Variants in TPX2 observed in about 807,000 individuals in gnomAD.
TPX2 encodes TPX2 microtubule nucleation factor.
Under a neutral mutation model 93.6 loss-of-function variants are expected in TPX2, and 21 were observed. That is an observed-to-expected ratio of 0.22 (90% CI 0.16 to 0.32). TPX2 has a LOEUF of 0.32. Among genes scored for constraint, TPX2 ranks in the 10% least tolerant of loss-of-function variants. The pLI is 1.00. For missense variants in TPX2, 776 were observed against 871.1 expected (o/e 0.89, Z 1.37); for synonymous variants, 281 against 298.3 (o/e 0.94, Z 0.60).
At chr20:31,740,665 A>C (rs1487550325) in intron 1 of TPX2, among the ~76,000 whole-genome samples, 1 of 152,236 alleles carries the variant, frequency 6.6e-6, no homozygotes, top group African/African-American at 2.4e-5. Flanking sequence ...GAAATTGGCA[A>C]GTGAGAATCA....
chr20:31,743,960 A>T (rs1600348706), intron 2 of TPX2, among the ~76,000 whole-genome samples: 1 of 151,420 alleles, frequency 6.6e-6, no homozygotes, highest in African/African-American at 2.4e-5. Flanking sequence ...ACTTCAGGTG[A>T]TCTGCCCGCC....
intron 2 of TPX2, among the ~76,000 whole-genome samples, chr20:31,748,402 T>C (rs1215933458): frequency 6.6e-6 from 1 of 152,124 alleles, no homozygotes; most frequent in Non-Finnish European, 1.5e-5. Context: ...AAAAACTTCA[T>C]ATGGAAAAGT....
intron 15 of TPX2, among the ~76,000 whole-genome samples, chr20:31,796,704 ATT>A (rs781035098): frequency 1.5e-4 from 21 of 140,838 alleles, no homozygotes; most frequent in Non-Finnish European, 2.0e-4. Context: ...TTCTGGTTAG[ATT>A]TTTTTTTTTT....
chr20:31,788,177 GA>G (rs1442071108), intron 12 of TPX2, among the ~76,000 whole-genome samples: 2 of 152,156 alleles, frequency 1.3e-5, no homozygotes, highest in South Asian at 2.1e-4. Flanking sequence ...AACACTTTGG[GA>G]AGCCAAGGTG....
chr20:31,784,924 G>A (rs1210190551), intron 12 of TPX2, among the ~76,000 whole-genome samples: 1 of 152,152 alleles, frequency 6.6e-6, no homozygotes, highest in Non-Finnish European at 1.5e-5. Flanking sequence ...TGCAGGTCCG[G>A]GATAACTCTA....
chr20:31,766,258 T>A (rs2123009328), intron 4 of TPX2, among the ~76,000 whole-genome samples: 1 of 152,330 alleles, frequency 6.6e-6, no homozygotes, highest in East Asian at 1.9e-4. Flanking sequence ...TTATGGAAGC[T>A]TTCAGAATTT....
chr20:31,778,964 G>C lies in TPX2; in HGVS notation c.1034G>C (p.Arg345Thr). 1 of 1,593,306 alleles carries C rather than the reference G, an allele frequency of 6.3e-7. No individual in the cohort carries two copies. Among genetic ancestry groups the C allele is most frequent in the Non-Finnish European group, 8.5e-7 (1 of 1,173,432 alleles). ...CGAACCCCTAACAGATATCATTTGAGGAGCAAGAAGGATGATATTAGTAAG... is the reference window on the plus strand; with the variant it reads ...CGAACCCCTAACAGATATCATTTGACGAGCAAGAAGGATGATATTAGTAAG... ...HKRTPNRYHL[R>T]SKKDDINLLP... The change falls in exon 10 of 18, where the codon AGG (arginine) becomes ACG (threonine). Residue 345 changes from arginine to threonine, a missense_variant. Arg to Thr is a moderately conservative substitution (Grantham distance 71). Around this residue, in one of 3 missense-constraint regions of TPX2, gnomAD observed 461 missense variants for 551.2 expected, o/e 0.84. Coordinates refer to ENST00000300403, the MANE Select transcript of TPX2 (RefSeq NM_012112.5).
intron 4 of TPX2, among the ~76,000 whole-genome samples, chr20:31,761,288 A>G (rs1281080012): frequency 7.0e-6 from 1 of 142,162 alleles, no homozygotes; most frequent in Non-Finnish European, 1.5e-5. Flanking sequence ...TGTAACCTCC[A>G]CCACCTGGGT....
chr20:31,747,460 G>GTCTGTCTA (rs1555879046), intron 2 of TPX2, among the ~76,000 whole-genome samples: 33 of 145,208 alleles, frequency 2.3e-4, no homozygotes, highest in African/African-American at 8.1e-4. Context: ...CTGTCTGTCT[G>GTCTGTCTA]TCTATCTATC....
At chr20:31,763,623 T>A (rs1054211498) in intron 4 of TPX2, among the ~76,000 whole-genome samples, 1 of 152,136 alleles carries the variant, frequency 6.6e-6, no homozygotes, top group Non-Finnish European at 1.5e-5. Flanking sequence ...TCATATAGTT[T>A]GAAGCTACTA....
intron 4 of TPX2, among the ~76,000 whole-genome samples, chr20:31,761,803 T>G (rs2061892745): frequency 6.6e-6 from 1 of 152,216 alleles, no homozygotes. Context: ...ATGGTAATTA[T>G]ATTTTTAATT....
At chr20:31,768,164 G>GC (rs1291255545) in intron 5 of TPX2, among the ~76,000 whole-genome samples, 1 of 151,752 alleles carries the variant, frequency 6.6e-6, no homozygotes. Context: ...GATCTCCTGA[G>GC]CTCAAGCGAT....
rs1370914806 is a variant in TPX2 at position 31,798,507 on chromosome 20, G to C, written c.2088G>C (p.Glu696Asp). The C allele has an allele frequency of 6.2e-7, 1 of 1,612,778 alleles. No homozygotes were observed. Among genetic ancestry groups the C allele is most frequent in the South Asian group, 1.1e-5 (1 of 90,980 alleles). The stretch of plus-strand genomic sequence containing the variant: ...AGTTGGAGGAGGCCAGACTACAGGA[G>C]GAAGAGCAGAAAAAAGAGGAGCTGG... ...AQQLEEARLQ[E>D]EEQKKEELAR... The change falls in exon 17 of 18, where the codon GAG becomes GAC. Residue 696 changes from glutamate (E) to aspartate (D), a missense_variant. Physicochemically the swap from Glu to Asp is conservative, Grantham distance 45. Coordinates refer to ENST00000300403, the MANE Select transcript of TPX2 (RefSeq NM_012112.5).
chr20:31,779,442 A>C (rs1358869134), intron 10 of TPX2, among the ~76,000 whole-genome samples: 1 of 152,246 alleles, frequency 6.6e-6, no homozygotes, highest in Non-Finnish European at 1.5e-5. Context: ...GCTACTCAAC[A>C]TCAGGTTTCT....
intron 15 of TPX2, among the ~76,000 whole-genome samples, chr20:31,795,159 A>G (rs2062129520): frequency 6.6e-6 from 1 of 151,340 alleles, no homozygotes; most frequent in Admixed American, 6.6e-5. Flanking sequence ...TTTGAGACAG[A>G]GTGTCGCTCT....
intron 5 of TPX2, 96 bp from the exon 6 acceptor site, chr20:31,770,247 C>A: frequency 3.6e-6 from 3 of 836,936 alleles, no homozygotes; most frequent in South Asian, 4.0e-5. Flanking sequence ...ATTTTATTGC[C>A]CTTTGTAGTT....
chr20:31,744,201 G>A (rs1203748103), intron 2 of TPX2, among the ~76,000 whole-genome samples: 1 of 121,110 alleles, frequency 8.3e-6, no homozygotes, highest in Non-Finnish European at 1.6e-5. Context: ...TCACTCTGTC[G>A]CCCGGGTTGG....
chr20:31,751,405 G>C (rs1039584039), intron 2 of TPX2, among the ~76,000 whole-genome samples: 1 of 152,016 alleles, frequency 6.6e-6, no homozygotes, highest in Non-Finnish European at 1.5e-5. Context: ...ATGTCTTCTA[G>C]CATATTTGTT....
chr20:31,787,711 G>A (rs931384068), intron 12 of TPX2, among the ~76,000 whole-genome samples: 1 of 152,122 alleles, frequency 6.6e-6, no homozygotes, highest in Non-Finnish European at 1.5e-5. Context: ...GGGGGTAGAG[G>A]AATAGTTACT....
Sources: gnomAD v4.1 joint callset for allele counts (sites outside exome capture counted in the v4.1 genomes callset) on GRCh38, gnomAD v4.1.1 for gene constraint, gnomAD v4.1.1 regional missense constraint, MANE v1.5 for transcripts, NCBI Gene and HGNC (gene_info 2026-07-23, HGNC 2026-07-21) for gene names.